FAM110A: variants seen among roughly 807,000 people sequenced by gnomAD.
FAM110A encodes the protein protein FAM110A.
Under a neutral mutation model 4.0 loss-of-function variants are expected in FAM110A, and 1 was observed. The ratio of observed to expected loss-of-function variants is 0.25; its 90% CI spans 0.09 to 1.20. The LOEUF (loss-of-function observed/expected upper bound fraction) is 1.20. Ranked by LOEUF, FAM110A falls within the 50% of genes most tolerant of loss-of-function variation. The pLI is 0.50. For missense variants in FAM110A, 436 were observed against 429.2 expected (o/e 1.02, Z -0.14); for synonymous variants, 217 against 196.8 (o/e 1.10, Z -0.86).
rs867781804 is a variant in FAM110A, at chr20:844,842, C to T, written c.38C>T (p.Ala13Val). Residue 13 changes from alanine (A) to valine (V), a missense_variant, in exon 2 of 2, where the codon GCC becomes GTC. Transcript: ENST00000381941. ...ACGCTGAGCCCCGGAGCCCCGTCCG[C>T]CCCCGCCCTACCTTGCCGCCTGCGG... ...VHTLSPGAPS[A>V]PALPCRLRTR... 2 of 1,522,970 alleles carry T rather than the reference C, an allele frequency of 1.3e-6. No homozygotes were observed. The highest frequency in any genetic ancestry group is 2.5e-5 in the East Asian group (1 of 40,666). 94.3% of individuals were successfully genotyped at this position (1,522,970 alleles called of 1,614,324 possible).
chr20:834,728 G>GT lies in FAM110A; in HGVS notation c.-98+779dup, dbSNP rs1482530324. Among the ~76,000 whole-genome samples the GT allele has an allele frequency of 6.6e-6, 1 of 152,176 alleles. No individual in the cohort carries two copies. Among genetic ancestry groups the GT allele is most frequent in the Non-Finnish European group, 1.5e-5 (1 of 68,040 alleles). ...GAAGTCACAGTCAGACAATGCAGTG[G>GT]TTAGCTCCTAGTCCCTCTGGCTTCA... On this transcript the variant is annotated intron_variant, in intron 1 of 1. Coordinates refer to ENST00000381941, the MANE Select transcript of FAM110A (RefSeq NM_001042353.3). This position sits in a 1 kb window ranked among gnomAD's most constrained non-coding sequence, Gnocchi z 5.6.
In FAM110A at chr20:835,213, TACACACACAC is replaced by T. The variant is rs376949719; in HGVS notation, c.-98+1264_-98+1273del. The stretch of plus-strand genomic sequence containing the variant: ...CTCTCTCTCTCTCTATATATATATA[TACACACACAC>T]ATATATACACACACACATATATGTA... On this transcript the variant is annotated intron_variant, in intron 1 of 1. Coordinates refer to ENST00000381941, the MANE Select transcript of FAM110A (RefSeq NM_001042353.3). Among the ~76,000 whole-genome samples, 141 of 148,496 alleles carry T rather than the reference TACACACACAC, an allele frequency of 9.5e-4. 1 individual carries two copies. Among genetic ancestry groups the T allele is most frequent in the African/African-American group, 3.3e-3 (130 of 39,798 alleles).
intron 1 of FAM110A, 90 bp from the exon 2 acceptor site, chr20:844,618 G>A (rs973282547): frequency 2.2e-6 from 2 of 893,950 alleles, no homozygotes; most frequent in Non-Finnish European, 3.0e-6. Context: ...CCTTATAATA[G>A]GGAGGGCGTC....
In FAM110A at chr20:844,829, G is replaced by A. The variant is rs757040898; in HGVS notation, c.25G>A (p.Gly9Arg). Residue 9 changes from glycine to arginine, a missense_variant, in exon 2 of 2, where the codon GGA becomes AGA. Coordinates refer to ENST00000381941, the MANE Select transcript of FAM110A (RefSeq NM_001042353.3). MPVHTLSP[G>R]APSAPALPCR... ...CATGCCTGTGCACACGCTGAGCCCC[G>A]GAGCCCCGTCCGCCCCCGCCCTACC... The A allele has an allele frequency of 4.0e-6, 6 of 1,511,288 alleles. No homozygotes were observed. Among genetic ancestry groups the A allele is most frequent in the African/African-American group, 1.4e-5 (1 of 71,812 alleles). The allele number at this position is 1,511,288 out of a possible 1,614,324, so 93.6% of individuals were successfully genotyped here. A position where few individuals can be genotyped will look rare whatever the true frequency, so the allele number is the denominator to read the frequency against.
At chr20:839,936 G>A (rs1979792450) in intron 1 of FAM110A, 1 of 1,558,980 alleles carries the variant, frequency 6.4e-7, no homozygotes, top group Non-Finnish European at 8.8e-7. Context: ...CCTTAAAAAG[G>A]AGTTCATGAA....
At position 845,461 on chromosome 20, in the gene FAM110A, G is replaced by T. The variant is rs1483719349; in HGVS notation, c.657G>T (p.Leu219Phe). 3 of 1,613,544 alleles carry T rather than the reference G, an allele frequency of 1.9e-6. No individual in the cohort carries two copies. The highest frequency in any genetic ancestry group is 3.3e-4 in the Middle Eastern group (2 of 6,058). Residue 219 changes from leucine to phenylalanine, a missense_variant, in exon 2 of 2, where the codon TTG becomes TTT. Leu to Phe is a conservative substitution (Grantham distance 22). Coordinates refer to ENST00000381941, the MANE Select transcript of FAM110A (RefSeq NM_001042353.3). ...TGGACCCGGAGGAGGCGAGAGGGTT[G>T]GGTGTGGCCCACCTGGCACGGGCCA... ...CGLDPEEARG[L>F]GVAHLARASS...
At chr20:844,404 T>C (rs986359131) in intron 1 of FAM110A, among the ~76,000 whole-genome samples, 2 of 151,588 alleles carry the variant, frequency 1.3e-5, no homozygotes, top group East Asian at 3.9e-4. Flanking sequence ...TTGCTCCCTT[T>C]AGCGCGTGCC....
Position 845,051 on chromosome 20 carries a change from C to A in FAM110A, c.247C>A (p.Arg83Ser). 6.3e-7 allele frequency: 1 copy of A among 1,594,074 alleles called. No homozygotes were observed. The highest frequency in any genetic ancestry group is 1.7e-4 in the Middle Eastern group (1 of 6,042). ...KQPLFSPETR[R>S]TVLTPSRRAL... ...GCCGCTCTTTAGCCCTGAGACTCGCCGCACAGTGCTCACGCCCAGCCGCCG... is the reference window on the plus strand; with the variant it reads ...GCCGCTCTTTAGCCCTGAGACTCGCAGCACAGTGCTCACGCCCAGCCGCCG... The change falls in exon 2 of 2, where the codon CGC (arginine) becomes AGC (serine). Residue 83 changes from arginine to serine, a missense_variant. Coordinates refer to ENST00000381941, the MANE Select transcript of FAM110A (RefSeq NM_001042353.3).
chr20:841,170 GCCTGGCTTT>G (rs1979872954), intron 1 of FAM110A: 1 of 152,258 alleles, frequency 6.6e-6, no homozygotes, highest in Non-Finnish European at 1.5e-5. Flanking sequence ...TCTGGCCCCT[GCCTGGCTTT>G]CCTTACCCTT....
Position 844,363 on chromosome 20 carries a change from C to G in FAM110A, c.-97-345C>G, listed in dbSNP as rs79607300. Reference sequence around the variant, plus strand: ...TTGAGAGGACCTGAGGTTGAGTTGACTGGTGCGTAGCACAGAGCCTGGAGC... The same window carrying G: ...TTGAGAGGACCTGAGGTTGAGTTGAGTGGTGCGTAGCACAGAGCCTGGAGC... On this transcript the variant is annotated intron_variant, in intron 1 of 1. Transcript: ENST00000381941. Among the ~76,000 whole-genome samples, 706 of 152,372 alleles carry G rather than the reference C, an allele frequency of 4.6e-3. 7 individuals are homozygous for G. The highest frequency in any genetic ancestry group is 0.016 in the African/African-American group (678 of 41,588).
chr20:833,753 G>T lies in FAM110A; in HGVS notation c.-296G>T, dbSNP rs1979431902. 1 of 152,282 alleles carries T rather than the reference G, an allele frequency of 6.6e-6. No homozygotes were observed. The highest frequency in any genetic ancestry group is 2.1e-4 in the South Asian group (1 of 4,834). The allele number at this position is 152,282 out of a possible 1,614,324, so 9.4% of individuals were successfully genotyped here. A position where few individuals can be genotyped will look rare whatever the true frequency, so the allele number is the denominator to read the frequency against. On this transcript the variant is annotated 5_prime_UTR_variant, in exon 1 of 2. Transcript: ENST00000381941. This position sits in a 1 kb window ranked among gnomAD's most constrained non-coding sequence, Gnocchi z 4.1. ...CGGCGCCCCAGGGACTTTCCCTGCG[G>T]TGGGGGCCTTCGACAGTGAGGGCCA...
At position 845,458 on chromosome 20, in the gene FAM110A, G is replaced by C. The variant is rs768172173; in HGVS notation, c.654G>C (p.Gly218=). 1.2e-6 allele frequency: 2 copies of C among 1,613,478 alleles called. No individual in the cohort carries two copies. Among genetic ancestry groups the C allele is most frequent in the African/African-American group, 2.7e-5 (2 of 74,934 alleles). The change falls in exon 2 of 2, where the codon GGG becomes GGC. Residue 218 remains glycine (G), a synonymous_variant. Transcript: ENST00000381941. ...GCCTGGACCCGGAGGAGGCGAGAGG[G>C]TTGGGTGTGGCCCACCTGGCACGGG... is the stretch of plus-strand genomic sequence containing the variant. ...FCGLDPEEAR[G]LGVAHLARAS... is the part of the protein sequence containing the mutation.
Position 845,533 on chromosome 20 carries a change from C to T in FAM110A, c.729C>T (p.Ser243=), listed in dbSNP as rs749936037. 8 of 1,612,726 alleles carry T rather than the reference C, an allele frequency of 5.0e-6. No individual in the cohort carries two copies. In the Admixed American group the frequency reaches 8.3e-5, roughly 17 times the overall value. The change falls in exon 2 of 2, where the codon AGC becomes AGT. Residue 243 remains serine, a synonymous_variant. Coordinates refer to ENST00000381941, the MANE Select transcript of FAM110A (RefSeq NM_001042353.3). ...CAGGGCCCAGTGCTGGGCCGGGCAGCTCTGAAGGGGGCTGCTCCCGCCGCA... is the reference window on the plus strand; with the variant it reads ...CAGGGCCCAGTGCTGGGCCGGGCAGTTCTGAAGGGGGCTGCTCCCGCCGCA... ...SLAGPSAGPG[S]SEGGCSRRSS...
At position 845,610 on chromosome 20, in the gene FAM110A, C is replaced by A. The variant is rs1228700599; in HGVS notation, c.806C>A (p.Ser269Ter). 6.2e-7 allele frequency: 1 copy of A among 1,614,068 alleles called. No individual in the cohort carries two copies. The highest frequency in any genetic ancestry group is 8.5e-7 in the Non-Finnish European group (1 of 1,180,024). Residue 269 changes from serine to a stop codon, truncating the protein, a stop_gained, in exon 2 of 2, where the codon TCG (serine) becomes TAG (stop). Transcript: ENST00000381941. LOFTEE classifies it high-confidence loss of function. ...RARERVPYGVSVVERNARVIK... is the reference protein window; with the variant it reads ...RARERVPYGV Reference sequence around the variant, plus strand: ...CGGGAGCGCGTTCCCTATGGCGTGTCGGTGGTGGAGCGCAATGCCCGCGTG... The same window carrying A: ...CGGGAGCGCGTTCCCTATGGCGTGTAGGTGGTGGAGCGCAATGCCCGCGTG...
In FAM110A at chr20:845,746, C is replaced by T; in HGVS notation, c.*54C>T. 2 of 1,605,552 alleles carry T rather than the reference C, an allele frequency of 1.2e-6. No homozygotes were observed. The highest frequency in any genetic ancestry group is 1.1e-5 in the South Asian group (1 of 89,802). On this transcript the variant is annotated 3_prime_UTR_variant, in exon 2 of 2. Coordinates refer to ENST00000381941, the MANE Select transcript of FAM110A (RefSeq NM_001042353.3). ...GACGGATCTTACAGAGGCAAGTGGTCCCTGGACCTCTCTTGCATCCATTCT... is the reference window on the plus strand; with the variant it reads ...GACGGATCTTACAGAGGCAAGTGGTTCCTGGACCTCTCTTGCATCCATTCT...
At chr20:839,359 G>T (rs1225565732) in intron 1 of FAM110A, 2 of 513,844 alleles carry the variant, frequency 3.9e-6, no homozygotes, top group African/African-American at 3.8e-5. Flanking sequence ...TTAGAACAGT[G>T]TCTGGTACAA....
chr20:845,048 C>T lies in FAM110A; in HGVS notation c.244C>T (p.Arg82Cys), dbSNP rs772444407. The change falls in exon 2 of 2, where the codon CGC becomes TGC. Residue 82 changes from arginine to cysteine, a missense_variant. Coordinates refer to ENST00000381941, the MANE Select transcript of FAM110A (RefSeq NM_001042353.3). The stretch of plus-strand genomic sequence containing the variant: ...ACAGCCGCTCTTTAGCCCTGAGACT[C>T]GCCGCACAGTGCTCACGCCCAGCCG... ...SKQPLFSPET[R>C]RTVLTPSRRA... is the part of the protein sequence containing the mutation. 4.4e-6 allele frequency: 7 copies of T among 1,593,310 alleles called. No individual in the cohort carries two copies. Among genetic ancestry groups the T allele is most frequent in the African/African-American group, 2.7e-5 (2 of 74,490 alleles).
intron 1 of FAM110A, among the ~76,000 whole-genome samples, chr20:841,099 C>T (rs914556639): frequency 6.6e-6 from 1 of 152,172 alleles, no homozygotes; most frequent in Admixed American, 6.5e-5. Context: ...CCTGGGTGGT[C>T]CTGGAGCGGG....
rs569386384 is a variant in FAM110A at position 835,502 on chromosome 20, T to A, written c.-98+1551T>A. 1.1e-4 allele frequency among the ~76,000 whole-genome samples: 16 copies of A among 152,142 alleles called. No homozygotes were observed. The East Asian group carries it at 3.1e-3, about 29-fold the overall frequency. On this transcript the variant is annotated intron_variant, in intron 1 of 1. Transcript: ENST00000381941. ...GCGTGCCAGGCCCTTCCCCAAGACCTTGCATGTGTTATCTTCCATTCTGTC... is the reference window on the plus strand; with the variant it reads ...GCGTGCCAGGCCCTTCCCCAAGACCATGCATGTGTTATCTTCCATTCTGTC...
Sources: gnomAD v4.1 joint callset for allele counts (sites outside exome capture counted in the v4.1 genomes callset) on GRCh38, gnomAD v4.1.1 for gene constraint, Gnocchi (gnomAD v3.1) non-coding constraint, MANE v1.5 for transcripts, NCBI Gene and HGNC (gene_info 2026-07-23, HGNC 2026-07-21) for gene names.